Variants in HIVEP3 observed in about 807,000 individuals in gnomAD.
HIVEP3 encodes HIVEP zinc finger 3.
A neutral mutation model predicts 152.8 loss-of-function variants in HIVEP3; 49 were observed. The observed-to-expected ratio is 0.32, with a 90% confidence interval of 0.26 to 0.41. HIVEP3 has a LOEUF of 0.41. Among genes scored for constraint, HIVEP3 ranks in the 10% least tolerant of loss-of-function variants. The pLI is 1.00. For missense variants in HIVEP3, 2,790 were observed against 3,103.3 expected (o/e 0.90, Z 2.40); for synonymous variants, 1,269 against 1,289.0 (o/e 0.98, Z 0.33).
intron 5 of HIVEP3, among the ~76,000 whole-genome samples, chr1:41,532,720 C>A (rs755732747): frequency 6.6e-6 from 1 of 152,014 alleles, no homozygotes; most frequent in Non-Finnish European, 1.5e-5. Context: ...GCACCACCCC[C>A]GAGCTTGGGG....
At chr1:41,669,912 T>C (rs918979242) in intron 2 of HIVEP3, among the ~76,000 whole-genome samples, 3 of 152,228 alleles carry the variant, frequency 2.0e-5, no homozygotes, top group Non-Finnish European at 2.9e-5. Flanking sequence ...AGAACCCTTA[T>C]AGATGTCTAA....
chr1:41,872,877 C>T (rs557005761), intron 1 of HIVEP3, among the ~76,000 whole-genome samples: 7 of 152,304 alleles, frequency 4.6e-5, no homozygotes, highest in South Asian at 2.1e-4. Flanking sequence ...AAGTCTTCCA[C>T]CAACATATGT....
At chr1:41,889,505 C>T (rs1226455266) in intron 1 of HIVEP3, among the ~76,000 whole-genome samples, 2 of 152,182 alleles carry the variant, frequency 1.3e-5, no homozygotes, top group African/African-American at 2.4e-5. Context: ...GGACACCTTG[C>T]CTCAACTCTC....
At chr1:41,830,417 A>C (rs1642926333) in intron 1 of HIVEP3, among the ~76,000 whole-genome samples, 1 of 152,208 alleles carries the variant, frequency 6.6e-6, no homozygotes, top group South Asian at 2.1e-4. Context: ...TGCCCTGATG[A>C]CAGGCTATGG....
intron 1 of HIVEP3, among the ~76,000 whole-genome samples, chr1:41,789,150 C>G (rs1649539115): frequency 6.6e-6 from 1 of 152,172 alleles, no homozygotes. Context: ...CTCATATGAC[C>G]ACACCTGCAG....
At chr1:41,700,032 G>A (rs919376239) in intron 2 of HIVEP3, among the ~76,000 whole-genome samples, 13 of 151,950 alleles carry the variant, frequency 8.6e-5, no homozygotes, top group Admixed American at 7.9e-4. Context: ...TTTTTCACCC[G>A]GTGAACTTCT....
chr1:41,587,385 T>C (rs1220373541), intron 3 of HIVEP3, among the ~76,000 whole-genome samples: 1 of 152,218 alleles, frequency 6.6e-6, no homozygotes, highest in East Asian at 1.9e-4. Context: ...AAATCTCATT[T>C]CATTAGATTA....
At chr1:41,614,769 T>C (rs988071776) in intron 3 of HIVEP3, among the ~76,000 whole-genome samples, 3 of 152,168 alleles carry the variant, frequency 2.0e-5, no homozygotes, top group African/African-American at 4.8e-5. Context: ...ATGGATTTAG[T>C]ATACAGCAGT....
intron 1 of HIVEP3, among the ~76,000 whole-genome samples, chr1:42,011,714 A>G (rs1645492971): frequency 6.6e-6 from 1 of 152,200 alleles, no homozygotes; most frequent in Admixed American, 6.5e-5. Flanking sequence ...CTCAAGGCAG[A>G]GGGGTCGCCC....
intron 1 of HIVEP3, among the ~76,000 whole-genome samples, chr1:41,767,915 C>T (rs1394259991): frequency 6.6e-6 from 1 of 152,228 alleles, no homozygotes; most frequent in African/African-American, 2.4e-5. Flanking sequence ...ATTTTTACCT[C>T]GTTCTTCCTA....
intron 1 of HIVEP3, among the ~76,000 whole-genome samples, chr1:41,771,259 C>T (rs952212352): frequency 6.6e-6 from 1 of 151,854 alleles, no homozygotes; most frequent in Non-Finnish European, 1.5e-5. Context: ...AAAAGTTGGT[C>T]TGTGAAGACC....
intron 1 of HIVEP3, among the ~76,000 whole-genome samples, chr1:41,984,467 G>GA (rs1645310825): frequency 6.6e-6 from 1 of 152,100 alleles, no homozygotes. Context: ...GAGAAGTGAG[G>GA]AAAAAAGCAA....
intron 5 of HIVEP3, among the ~76,000 whole-genome samples, chr1:41,526,589 TCA>T (rs796758548): frequency 1.7e-4 from 1 of 5,838 alleles, no homozygotes; most frequent in African/African-American, 8.4e-4. Flanking sequence ...ACCCCCACAC[TCA>T]CACCCTTACA....
In HIVEP3 at chr1:41,779,911, T is replaced by C. The variant is rs550161366; in HGVS notation, c.-800-78916A>G. On this transcript the variant is annotated intron_variant, in intron 1 of 8. Transcript: ENST00000372583. ...CAGATGCCGATGTGCACCCCAGCTG[T>C]GTGTTCTTGGGCAACTAACTTAGTC... Among the ~76,000 whole-genome samples the C allele has an allele frequency of 1.8e-3, 269 of 152,302 alleles. 1 individual carries two copies. Among genetic ancestry groups the C allele is most frequent in the Middle Eastern group, 6.8e-3 (2 of 294 alleles).
chr1:41,619,316 G>A (rs1402590640), intron 3 of HIVEP3, among the ~76,000 whole-genome samples: 4 of 152,172 alleles, frequency 2.6e-5, no homozygotes, highest in East Asian at 1.9e-4. Flanking sequence ...TGCCAGCCCC[G>A]TGCCCCCTAT....
chr1:41,999,141 G>A (rs1241815801), intron 1 of HIVEP3, among the ~76,000 whole-genome samples: 1 of 151,788 alleles, frequency 6.6e-6, no homozygotes, highest in Admixed American at 6.6e-5. Context: ...TGATCCACCT[G>A]CCTCAGCCTC....
intron 1 of HIVEP3, among the ~76,000 whole-genome samples, chr1:41,998,596 G>T (rs1223903433): frequency 3.3e-5 from 5 of 152,112 alleles, no homozygotes; most frequent in Admixed American, 1.3e-4. Context: ...GTATGGCTTA[G>T]TTCTGTCAAA....
chr1:41,755,315 A>G (rs550025639), intron 1 of HIVEP3, among the ~76,000 whole-genome samples: 2 of 152,364 alleles, frequency 1.3e-5, no homozygotes, highest in Non-Finnish European at 2.9e-5. Context: ...AAAAGAGGTA[A>G]TAGATTTAAA....
chr1:41,582,895 C>T lies in HIVEP3; in HGVS notation c.1903G>A (p.Gly635Ser). 3 of 1,614,098 alleles carry T rather than the reference C, an allele frequency of 1.9e-6. No individual in the cohort carries two copies. The highest frequency in any genetic ancestry group is 2.5e-6 in the Non-Finnish European group (3 of 1,180,036). Residue 635 changes from glycine to serine, a missense_variant, in exon 4 of 9, where the codon GGT becomes AGT. Gly to Ser is a moderately conservative substitution (Grantham distance 56). Coordinates refer to ENST00000372583, the MANE Select transcript of HIVEP3 (RefSeq NM_024503.5). This position sits in a 1 kb window ranked among gnomAD's most constrained non-coding sequence, Gnocchi z 4.7. The part of the protein sequence containing the change: ...ESELTKKTKK[G>S]LKTKGVIYEC... ...TAGATCACCCCTTTTGTTTTCAAAC[C>T]CTTCTTGGTCTTTTTGGTAAGCTCG...
Sources: gnomAD v4.1 joint callset for allele counts (sites outside exome capture counted in the v4.1 genomes callset) on GRCh38, gnomAD v4.1.1 for gene constraint, Gnocchi (gnomAD v3.1) non-coding constraint, MANE v1.5 for transcripts, NCBI Gene and HGNC (gene_info 2026-07-23, HGNC 2026-07-21) for gene names.